Variants in EEIG1 observed in about 807,000 individuals in gnomAD.
EEIG1 encodes early estrogen-induced gene 1 protein.
At chr9:127,960,026 T>C in the EEIG1 span, among the ~76,000 whole-genome samples, 1 of 152,220 alleles carries the variant, frequency 6.6e-6, no homozygotes, top group East Asian at 1.9e-4. Context: ...GAATTATATC[T>C]CAATAAAGCT....
At chr9:127,968,723 A>C in the EEIG1 span, among the ~76,000 whole-genome samples, 1 of 152,074 alleles carries the variant, frequency 6.6e-6, no homozygotes, top group East Asian at 1.9e-4. Flanking sequence ...GGTGACCAGG[A>C]GATAATTGTG....
the EEIG1 span, among the ~76,000 whole-genome samples, chr9:127,969,241 C>T: frequency 3.9e-5 from 6 of 152,226 alleles, no homozygotes; most frequent in Admixed American, 2.6e-4. Context: ...ACGAATGTGC[C>T]TAACAGTCTC....
the EEIG1 span, among the ~76,000 whole-genome samples, chr9:127,969,067 C>A: frequency 6.6e-6 from 1 of 152,162 alleles, no homozygotes; most frequent in African/African-American, 2.4e-5. Context: ...TGGGTGTGGC[C>A]AACATAAAAA....
At chr9:127,942,774 T>C in the EEIG1 span, 18 of 245,124 alleles carry the variant, frequency 7.3e-5, no homozygotes, top group African/African-American at 1.1e-4. Context: ...AAGCCAGTGC[T>C]CCTGGAGTGA....
At chr9:127,978,586 C>G in the EEIG1 span, among the ~76,000 whole-genome samples, 1 of 137,754 alleles carries the variant, frequency 7.3e-6, no homozygotes, top group East Asian at 2.0e-4. Context: ...TCCCAGCACT[C>G]TAGAAGGCCA....
At chr9:127,973,495 G>A in the EEIG1 span, among the ~76,000 whole-genome samples, 7 of 152,328 alleles carry the variant, frequency 4.6e-5, no homozygotes, top group African/African-American at 7.2e-5. The surrounding 1 kb of genome is among the most constrained non-coding windows in gnomAD (Gnocchi z 4.2). Flanking sequence ...AGATCATCTC[G>A]GGTCAGGGCT....
the EEIG1 span, among the ~76,000 whole-genome samples, chr9:127,975,006 G>A: frequency 2.0e-5 from 3 of 152,210 alleles, no homozygotes; most frequent in Non-Finnish European, 4.4e-5. Flanking sequence ...TCTCCATCCT[G>A]CCCTCCTGGA....
chr9:127,944,325 G>A, the EEIG1 span: 440 of 541,492 alleles, frequency 8.1e-4, 1 homozygote, highest in African/African-American at 7.3e-3. Context: ...TGCGTGTGAG[G>A]CCCCTGCCAT....
the EEIG1 span, among the ~76,000 whole-genome samples, chr9:127,973,261 G>T: frequency 8.5e-5 from 13 of 152,264 alleles, no homozygotes; most frequent in African/African-American, 3.1e-4. The surrounding 1 kb of genome is among the most constrained non-coding windows in gnomAD (Gnocchi z 4.2). Context: ...CATGCCAGCA[G>T]CCATCCCAAG....
the EEIG1 span, chr9:127,980,442 G>A: frequency 1.9e-5 from 4 of 209,270 alleles, no homozygotes; most frequent in Non-Finnish European, 3.8e-5. Context: ...GGAGGTGCGG[G>A]GCTGCGCGCG....
At chr9:127,964,919 C>T in the EEIG1 span, among the ~76,000 whole-genome samples, 13 of 151,834 alleles carry the variant, frequency 8.6e-5, no homozygotes, top group East Asian at 1.9e-4. Context: ...CTGGACAACA[C>T]GGTGAAACAT....
At chr9:127,954,052 T>C in the EEIG1 span, 1 of 1,093,196 alleles carries the variant, frequency 9.1e-7, no homozygotes, top group Non-Finnish European at 1.3e-6. Context: ...TCACTCTGTG[T>C]CACAAAATAG....
the EEIG1 span, among the ~76,000 whole-genome samples, chr9:127,952,278 G>A: frequency 3.3e-5 from 5 of 152,262 alleles, no homozygotes; most frequent in Non-Finnish European, 5.9e-5. Flanking sequence ...GAGTTCCTGA[G>A]CTCTGGTCAG....
chr9:127,942,804 G>A, the EEIG1 span: 2 of 279,066 alleles, frequency 7.2e-6, no homozygotes, highest in South Asian at 3.8e-5. Flanking sequence ...CAGGTAGAGA[G>A]GCCCCCTCAG....
chr9:127,978,693 T>A, the EEIG1 span, among the ~76,000 whole-genome samples: 1 of 151,538 alleles, frequency 6.6e-6, no homozygotes, highest in South Asian at 2.1e-4. Context: ...TACAAAAAAA[T>A]TATCGTGGTA....
chr9:127,956,812 T>C, the EEIG1 span, among the ~76,000 whole-genome samples: 2 of 152,182 alleles, frequency 1.3e-5, no homozygotes, highest in Non-Finnish European at 2.9e-5. Flanking sequence ...CCTGCTGGGT[T>C]CAAGTGATTC....
At chr9:127,951,038 G>C in the EEIG1 span, among the ~76,000 whole-genome samples, 3 of 152,200 alleles carry the variant, frequency 2.0e-5, no homozygotes, top group Admixed American at 1.3e-4. Context: ...GACAGAGTGA[G>C]GGGCTGCTGG....
the EEIG1 span, chr9:127,948,106 C>T: frequency 1.1e-5 from 17 of 1,612,908 alleles, no homozygotes; most frequent in South Asian, 6.6e-5. Flanking sequence ...CTTGGGGGGC[C>T]GGGACCCAGT....
At chr9:127,945,411 C>T in the EEIG1 span, 49 of 1,579,046 alleles carry the variant, frequency 3.1e-5, no homozygotes, top group Admixed American at 9.0e-5. The surrounding 1 kb of genome is among the most constrained non-coding windows in gnomAD (Gnocchi z 6.5). Flanking sequence ...GTGGCCGCGG[C>T]GGCTTCTCCG....
Sources: allele counts gnomAD v4.1 joint callset (sites outside exome capture counted in the v4.1 genomes callset), GRCh38; gene constraint gnomAD v4.1.1; non-coding constraint Gnocchi (gnomAD v3.1); transcripts MANE v1.5; gene names NCBI Gene and HGNC (gene_info 2026-07-23, HGNC 2026-07-21).